The following CCDC149 variants were observed in gnomAD, a reference collection of about 807,000 sequenced individuals.
The protein encoded by CCDC149 is coiled-coil domain-containing protein 149.
A neutral mutation model predicts 59.9 loss-of-function variants in CCDC149; 45 were observed. The ratio of observed to expected loss-of-function variants is 0.75; its 90% CI spans 0.59 to 0.96. CCDC149 has a LOEUF of 0.96. Ranked by LOEUF, CCDC149 falls within the 40% of genes least tolerant of loss-of-function variation. The pLI, the probability that CCDC149 is intolerant of heterozygous loss-of-function variation, is 0.00. For missense variants in CCDC149, 584 were observed against 664.7 expected (o/e 0.88, Z 1.33); for synonymous variants, 245 against 260.6 (o/e 0.94, Z 0.58).
At position 24,808,794 on chromosome 4, in the gene CCDC149, ATCT is replaced by A. The variant is rs1278160470; in HGVS notation, c.1215_1217del (p.Glu405del). 30 of 1,550,144 alleles carry A rather than the reference ATCT, an allele frequency of 1.9e-5. No individual in the cohort carries two copies. Among genetic ancestry groups the A allele is most frequent in the South Asian group, 2.4e-5 (2 of 83,902 alleles). On this transcript the variant is annotated inframe_deletion, in exon 13 of 13. Coordinates refer to ENST00000635206, the MANE Select transcript of CCDC149 (RefSeq NM_001330643.2). ...ACGCCTCAGCAGCGGCACAACTTTC[ATCT>A]TCTTCTTGCTTCTGAGCCTCCCCTG...
At chr4:24,959,110 A>G (rs1723560672) in intron 1 of CCDC149, among the ~76,000 whole-genome samples, 1 of 150,864 alleles carries the variant, frequency 6.6e-6, no homozygotes, top group Non-Finnish European at 1.5e-5. Context: ...AGTAGCTGGG[A>G]CTACAGGCGT....
intron 1 of CCDC149, among the ~76,000 whole-genome samples, chr4:24,881,377 C>T (rs1719832720): frequency 6.6e-6 from 1 of 152,142 alleles, no homozygotes; most frequent in Non-Finnish European, 1.5e-5. Context: ...AAGGAAGGCA[C>T]TTGAGAGGGG....
chr4:24,836,922 T>C (rs76994519), intron 6 of CCDC149, among the ~76,000 whole-genome samples: 10 of 152,224 alleles, frequency 6.6e-5, no homozygotes, highest in Non-Finnish European at 1.5e-5. Context: ...CATTTTCTTA[T>C]TCTTTTCTTT....
In CCDC149 at chr4:24,972,925, T is replaced by G. The variant is rs1457502581; in HGVS notation, c.-65+7144A>C. 2.0e-5 allele frequency among the ~76,000 whole-genome samples: 3 copies of G among 152,312 alleles called. No individual in the cohort carries two copies. The East Asian group carries it at 5.8e-4, about 29-fold the overall frequency. On this transcript the variant is annotated intron_variant, in intron 1 of 12. Coordinates refer to the CCDC149 transcript ENST00000389609. ...GGGACTAACTGAGGGTCTAGCACTT[T>G]TTAAGGGTTTGAGCAGGAAACATTC...
rs569149964 is a variant in CCDC149, at chr4:24,813,939, C to G, written c.1193-5120G>C. 2.0e-5 allele frequency among the ~76,000 whole-genome samples: 3 copies of G among 152,272 alleles called. No individual in the cohort carries two copies. In the East Asian group the frequency reaches 5.8e-4, roughly 29 times the overall value. The stretch of plus-strand genomic sequence containing the variant: ...ATGTGATAACAAACATCAGTATCAA[C>G]AGGGAAGAGGACTGTGGGTTTCAGC... On this transcript the variant is annotated intron_variant, in intron 12 of 12. Coordinates refer to ENST00000635206, the MANE Select transcript of CCDC149 (RefSeq NM_001330643.2).
chr4:24,813,489 A>AATATATCTATATATATATATCT (rs1186488610), intron 12 of CCDC149, among the ~76,000 whole-genome samples: 5 of 113,734 alleles, frequency 4.4e-5, no homozygotes, highest in African/African-American at 2.0e-4. Flanking sequence ...CAGCTTGGGG[A>AATATATCTATATATATATATCT]ATATATATAT....
chr4:24,864,251 G>A (rs909184117), intron 3 of CCDC149, among the ~76,000 whole-genome samples: 4 of 152,188 alleles, frequency 2.6e-5, no homozygotes, highest in African/African-American at 7.2e-5. Context: ...CTACTGAAAG[G>A]TTAGGTATCA....
intron 1 of CCDC149, among the ~76,000 whole-genome samples, chr4:24,876,941 A>G (rs892253407): frequency 1.3e-5 from 2 of 152,226 alleles, no homozygotes; most frequent in Admixed American, 6.5e-5. Flanking sequence ...CGTTTTAAAA[A>G]GTTGCATAAA....
chr4:24,956,050 C>T (rs963020064), intron 1 of CCDC149, among the ~76,000 whole-genome samples: 4 of 152,112 alleles, frequency 2.6e-5, no homozygotes, highest in Non-Finnish European at 4.4e-5. Context: ...TAGACTCTAG[C>T]GGTGGTTCTG....
At chr4:24,813,529 A>ATATAT (rs1560197755) in intron 12 of CCDC149, among the ~76,000 whole-genome samples, 17 of 110,436 alleles carry the variant, frequency 1.5e-4, no homozygotes, top group African/African-American at 6.2e-4. Flanking sequence ...TATATATATA[A>ATATAT]AACCTAAAAA....
chr4:24,874,265 G>GTTTTTTTTTTTTTTTTTTT (rs1165718179), intron 2 of CCDC149, among the ~76,000 whole-genome samples: 2 of 31,898 alleles, frequency 6.3e-5, no homozygotes, highest in Admixed American at 8.1e-4. Context: ...TTTTTGTTTT[G>GTTTTTTTTTTTTTTTTTTT]TTTTTTTTTG....
At chr4:24,962,960 G>T (rs990421762) in intron 1 of CCDC149, among the ~76,000 whole-genome samples, 4 of 150,232 alleles carry the variant, frequency 2.7e-5, no homozygotes, top group Non-Finnish European at 3.0e-5. Flanking sequence ...TTTATCAGTT[G>T]TATACCTATA....
chr4:24,975,809 G>A (rs577813222), intron 1 of CCDC149, among the ~76,000 whole-genome samples: 44 of 128,696 alleles, frequency 3.4e-4, no homozygotes, highest in African/African-American at 1.3e-3. Flanking sequence ...TGCCAATCCC[G>A]CATCTGTCTT....
intron 1 of CCDC149, among the ~76,000 whole-genome samples, chr4:24,951,783 C>T (rs563771589): frequency 6.6e-6 from 1 of 151,554 alleles, no homozygotes; most frequent in Non-Finnish European, 1.5e-5. Context: ...CTCTTTGAGG[C>T]CTTTCAGAAA....
At chr4:24,821,321 A>G (rs910564270) in intron 10 of CCDC149, among the ~76,000 whole-genome samples, 3 of 152,352 alleles carry the variant, frequency 2.0e-5, no homozygotes, top group African/African-American at 7.2e-5. Context: ...CTCACTGTAC[A>G]AATACACGAT....
chr4:24,888,696 C>T (rs1720344943), intron 1 of CCDC149, among the ~76,000 whole-genome samples: 1 of 152,190 alleles, frequency 6.6e-6, no homozygotes. Flanking sequence ...CTGAAGTCCT[C>T]CAGCCTGCGG....
At chr4:24,885,656 T>C (rs573054096) in intron 1 of CCDC149, among the ~76,000 whole-genome samples, 247 of 152,316 alleles carry the variant, frequency 1.6e-3, no homozygotes, top group African/African-American at 5.6e-3. Context: ...TATCCCACTT[T>C]CTGGTCACTA....
intron 1 of CCDC149, among the ~76,000 whole-genome samples, chr4:24,933,801 T>G (rs901748818): frequency 2.0e-5 from 3 of 152,212 alleles, no homozygotes; most frequent in African/African-American, 7.2e-5. Flanking sequence ...TATCCCAAAA[T>G]GTAATGGCTT....
At chr4:24,936,791 G>A (rs751307448) in intron 1 of CCDC149, among the ~76,000 whole-genome samples, 5 of 152,210 alleles carry the variant, frequency 3.3e-5, no homozygotes, top group Non-Finnish European at 5.9e-5. Context: ...AAGGTTGGCA[G>A]CTTGACTCAC....
Sources: allele counts gnomAD v4.1 joint callset (sites outside exome capture counted in the v4.1 genomes callset), GRCh38; gene constraint gnomAD v4.1.1; transcripts MANE v1.5; gene names NCBI Gene and HGNC (gene_info 2026-07-23, HGNC 2026-07-21).